Variants in ADGRB3 observed in about 807,000 individuals in gnomAD.
ADGRB3 encodes brain-specific angiogenesis inhibitor 3.
Under a neutral mutation model 193.4 loss-of-function variants are expected in ADGRB3, and 37 were observed. The ratio of observed to expected loss-of-function variants is 0.19; its 90% CI spans 0.15 to 0.25. The LOEUF is 0.25. ADGRB3 is among the 10% of genes least tolerant of loss of function. ADGRB3 has a pLI of 1.00. For missense variants in ADGRB3, 1,637 were observed against 1,852.9 expected (o/e 0.88, Z 2.14); for synonymous variants, 690 against 644.2 (o/e 1.07, Z -1.08).
At chr6:69,290,452 TGAGAGAGA>T (rs57690559) in intron 20 of ADGRB3, among the ~76,000 whole-genome samples, 17 of 148,110 alleles carry the variant, frequency 1.1e-4, no homozygotes, top group African/African-American at 4.2e-4. Flanking sequence ...AAATTGAGAC[TGAGAGAGA>T]GAGAGAGAGA....
rs536772166 is a variant in ADGRB3 at position 68,771,777 on chromosome 6, G to T, written c.757+132345G>T. Among the ~76,000 whole-genome samples, 6 of 152,238 alleles carry T rather than the reference G, an allele frequency of 3.9e-5. No individual in the cohort carries two copies. In the East Asian group the frequency reaches 9.7e-4, roughly 25 times the overall value. On this transcript the variant is annotated intron_variant, in intron 3 of 31. Coordinates refer to ENST00000370598, the MANE Select transcript of ADGRB3 (RefSeq NM_001704.3). ...GGGGGTGTTAGGTTAGATAGTGTGG[G>T]TAGGGAAGGGGTTTTCTGATCATCT...
intron 17 of ADGRB3, among the ~76,000 whole-genome samples, chr6:69,188,192 TTTTG>T (rs1765107756): frequency 6.6e-6 from 1 of 152,102 alleles, no homozygotes; most frequent in African/African-American, 2.4e-5. Context: ...AAAGGTTAAT[TTTTG>T]TTTGTTTTTT....
intron 20 of ADGRB3, among the ~76,000 whole-genome samples, chr6:69,308,200 A>G (rs1182466502): frequency 6.6e-6 from 1 of 151,510 alleles, no homozygotes; most frequent in Non-Finnish European, 1.5e-5. Context: ...CTGCCTCTAC[A>G]GAGTGACTTT....
chr6:69,341,547 T>C (rs964854071), intron 26 of ADGRB3, among the ~76,000 whole-genome samples: 1 of 152,166 alleles, frequency 6.6e-6, no homozygotes, highest in African/African-American at 2.4e-5. Context: ...AAAAGTCTGA[T>C]GTCGTTTACT....
At chr6:69,126,640 G>T (rs1582481066) in intron 17 of ADGRB3, among the ~76,000 whole-genome samples, 1 of 152,290 alleles carries the variant, frequency 6.6e-6, no homozygotes, top group East Asian at 1.9e-4. Context: ...TTGGAGGAGG[G>T]TGGATCTTCC....
At chr6:69,358,705 T>C (rs556830237) in intron 28 of ADGRB3, among the ~76,000 whole-genome samples, 2 of 152,056 alleles carry the variant, frequency 1.3e-5, no homozygotes, top group South Asian at 2.1e-4. Context: ...AGTTGCTTTA[T>C]ATTTTGTTTG....
intron 3 of ADGRB3, among the ~76,000 whole-genome samples, chr6:68,644,954 G>T (rs901118741): frequency 6.6e-6 from 1 of 152,070 alleles, no homozygotes; most frequent in African/African-American, 2.4e-5. Context: ...AATCGAGATA[G>T]GAATTTTACT....
At chr6:68,836,889 A>G (rs1469977469) in intron 3 of ADGRB3, among the ~76,000 whole-genome samples, 1 of 152,206 alleles carries the variant, frequency 6.6e-6, no homozygotes, top group Non-Finnish European at 1.5e-5. Flanking sequence ...AATATGATGC[A>G]TGGAACTTCA....
chr6:69,287,065 A>G (rs1479668005), intron 20 of ADGRB3, among the ~76,000 whole-genome samples: 2 of 152,214 alleles, frequency 1.3e-5, no homozygotes, highest in Non-Finnish European at 2.9e-5. Flanking sequence ...TTCACATCAT[A>G]TAATGTTTTG....
chr6:69,287,861 A>C (rs796447297), intron 20 of ADGRB3, among the ~76,000 whole-genome samples: 5 of 152,284 alleles, frequency 3.3e-5, no homozygotes, highest in Admixed American at 6.5e-5. Flanking sequence ...TGAATATATA[A>C]TATCTCCAGG....
At chr6:68,899,611 A>G (rs928026478) in intron 3 of ADGRB3, among the ~76,000 whole-genome samples, 1 of 152,062 alleles carries the variant, frequency 6.6e-6, no homozygotes, top group Non-Finnish European at 1.5e-5. Context: ...TCCCTACAAA[A>G]GACATGAACT....
At chr6:69,078,858 T>C (rs1772308002) in intron 17 of ADGRB3, among the ~76,000 whole-genome samples, 1 of 152,114 alleles carries the variant, frequency 6.6e-6, no homozygotes, top group African/African-American at 2.4e-5. Context: ...TTCTTATTCA[T>C]CACTGCACTG....
intron 31 of ADGRB3, among the ~76,000 whole-genome samples, chr6:69,383,759 C>A (rs1440033367): frequency 6.6e-6 from 1 of 152,022 alleles, no homozygotes; most frequent in African/African-American, 2.4e-5. Context: ...GGTTAAGAAG[C>A]ACCTTATAGG....
chr6:68,900,192 T>C (rs1466435084), intron 3 of ADGRB3, among the ~76,000 whole-genome samples: 1 of 152,188 alleles, frequency 6.6e-6, no homozygotes, highest in Admixed American at 6.5e-5. Flanking sequence ...ACTCTTATAT[T>C]GTTGGTGGCA....
intron 3 of ADGRB3, among the ~76,000 whole-genome samples, chr6:68,673,190 G>A (rs1174465599): frequency 6.6e-6 from 1 of 152,104 alleles, no homozygotes; most frequent in African/African-American, 2.4e-5. Context: ...CTGAAAATAA[G>A]TAGAGATTCT....
chr6:69,235,230 A>G, intron 19 of ADGRB3, 95 bp downstream of exon 19: 1 of 955,638 alleles, frequency 1.0e-6, no homozygotes, highest in South Asian at 1.5e-5. Flanking sequence ...CTGTCTTCTT[A>G]ATTTACTGAA....
At chr6:69,217,013 A>G (rs1486743882) in intron 17 of ADGRB3, among the ~76,000 whole-genome samples, 1 of 152,152 alleles carries the variant, frequency 6.6e-6, no homozygotes, top group African/African-American at 2.4e-5. Flanking sequence ...GGGAAAAGAC[A>G]TTTAGGAGGC....
chr6:68,911,929 G>A (rs1419103815), intron 3 of ADGRB3, among the ~76,000 whole-genome samples: 1 of 150,722 alleles, frequency 6.6e-6, no homozygotes, highest in East Asian at 1.9e-4. Flanking sequence ...TGTTTTTGAG[G>A]TCAATCTAGT....
At chr6:68,858,960 C>A (rs1765071759) in intron 3 of ADGRB3, among the ~76,000 whole-genome samples, 1 of 152,160 alleles carries the variant, frequency 6.6e-6, no homozygotes, top group Non-Finnish European at 1.5e-5. Flanking sequence ...ATTACTTATG[C>A]AAATTTATGT....
Sources: gnomAD v4.1 joint callset for allele counts (sites outside exome capture counted in the v4.1 genomes callset) on GRCh38, gnomAD v4.1.1 for gene constraint, MANE v1.5 for transcripts, NCBI Gene and HGNC (gene_info 2026-07-23, HGNC 2026-07-21) for gene names.